Variants in MAP1LC3A observed in about 807,000 individuals in gnomAD.
The protein encoded by MAP1LC3A is microtubule-associated protein 1 light chain 3 alpha.
MAP1LC3A carries 10 observed loss-of-function variants against 15.2 expected under a neutral mutation model. The observed-to-expected ratio is 0.66, with a 90% CI of 0.41 to 1.12. The LOEUF is 1.12. Among genes scored for constraint, MAP1LC3A ranks in the 50% most tolerant of loss-of-function variants. The pLI, the probability that MAP1LC3A is intolerant of heterozygous loss-of-function variation, is 0.00. For synonymous variants in MAP1LC3A, 63 were observed against 64.3 expected, an observed-to-expected ratio of 0.98 and a Z score of 0.10; for missense variants, 138 against 167.3, an observed-to-expected ratio of 0.82 and a Z score of 0.97.
At chr20:34,559,139 C>G (rs1328010291) in intron 1 of MAP1LC3A, 69 bp from the exon 2 acceptor site, 3 of 1,414,320 alleles carry the variant, frequency 2.1e-6, no homozygotes, top group South Asian at 1.6e-5. Flanking sequence ...CGGGGGCCGC[C>G]CCTCCGGGAC....
intron 2 of MAP1LC3A, among the ~76,000 whole-genome samples, chr20:34,552,504 G>A (rs1253083407): frequency 6.6e-6 from 1 of 152,258 alleles, no homozygotes; most frequent in African/African-American, 2.4e-5. Flanking sequence ...CCAGGCAAAG[G>A]CCCTGGGGCA....
chr20:34,555,739 A>G (rs1396751633), upstream of MAP1LC3A, among the ~76,000 whole-genome samples: 1 of 151,016 alleles, frequency 6.6e-6, no homozygotes, highest in Non-Finnish European at 1.5e-5. Context: ...GCAGCCTTGA[A>G]CTCTTGGGCT....
intron 1 of MAP1LC3A, among the ~76,000 whole-genome samples, chr20:34,548,836 G>A (rs1313027714): frequency 6.6e-6 from 1 of 151,688 alleles, no homozygotes; most frequent in African/African-American, 2.4e-5. Context: ...CTCCCGAGTA[G>A]CTGAGACTAC....
chr20:34,551,580 T>C (rs6088524), intron 2 of MAP1LC3A, among the ~76,000 whole-genome samples: 55,548 of 150,466 alleles, frequency 0.37, 10,614 homozygotes, highest in Admixed American at 0.54. Flanking sequence ...CAAGTGATTC[T>C]CCGATTCAGG....
chr20:34,554,829 A>G (rs151260358), upstream of MAP1LC3A, among the ~76,000 whole-genome samples: 42 of 150,962 alleles, frequency 2.8e-4, no homozygotes, highest in East Asian at 7.8e-3. Flanking sequence ...CACCATACCC[A>G]GCTAATTTTT....
rs1005691847 is a variant in MAP1LC3A, at chr20:34,558,812, G to A, written c.-57G>A. The A allele has an allele frequency of 4.9e-6, 7 of 1,415,528 alleles. No homozygotes were observed. Among genetic ancestry groups the A allele is most frequent in the African/African-American group, 1.5e-5 (1 of 66,534 alleles). The allele number at this position is 1,415,528 out of a possible 1,614,324, so 87.7% of individuals were successfully genotyped here. ...GCGGAGCCCCCGGAGCCCCCAAACC[G>A]CAGACACATCCCCGCGCCCCAGAGC... On this transcript the variant is annotated 5_prime_UTR_variant, in exon 1 of 4. Coordinates refer to ENST00000360668, the MANE Select transcript of MAP1LC3A (RefSeq NM_032514.4). The surrounding 1 kb of genome is among the most constrained non-coding windows in gnomAD (Gnocchi z 4.3).
intron 2 of MAP1LC3A, among the ~76,000 whole-genome samples, chr20:34,552,248 T>C (rs1981976694): frequency 6.6e-6 from 1 of 152,220 alleles, no homozygotes; most frequent in African/African-American, 2.4e-5. Flanking sequence ...TCCACCTGCC[T>C]TGGCCTTTGA....
intron 2 of MAP1LC3A, among the ~76,000 whole-genome samples, chr20:34,551,372 C>A (rs1247847374): frequency 2.0e-5 from 3 of 151,802 alleles, no homozygotes; most frequent in African/African-American, 7.3e-5. Context: ...CTAGACCAGG[C>A]CAGAATATGG....
intron 2 of MAP1LC3A, chr20:34,550,125 C>T: frequency 7.9e-7 from 1 of 1,264,604 alleles, no homozygotes; most frequent in Non-Finnish European, 1.1e-6. Flanking sequence ...CAGGGTTGCT[C>T]CGCCCGTGTG....
At chr20:34,548,165 G>C (rs1374718654) in intron 1 of MAP1LC3A, among the ~76,000 whole-genome samples, 4 of 152,240 alleles carry the variant, frequency 2.6e-5, no homozygotes, top group Admixed American at 6.5e-5. Context: ...TAGAGGCACA[G>C]GCTTGGGGAA....
rs113413617 is a variant in MAP1LC3A, at chr20:34,559,911, G to A, written c.*13G>A. On this transcript the variant is annotated 3_prime_UTR_variant, in exon 4 of 4. Coordinates refer to ENST00000360668, the MANE Select transcript of MAP1LC3A (RefSeq NM_032514.4). ...CTTCGGCTTCTGAGCCAGCAGTAGG[G>A]GGGCTCGGCCTGGGAGTCGGGCGGC... is the stretch of plus-strand genomic sequence containing the variant. The A allele has an allele frequency of 6.2e-7, 1 of 1,606,354 alleles. No homozygotes were observed. Among genetic ancestry groups the A allele is most frequent in the Non-Finnish European group, 8.5e-7 (1 of 1,176,648 alleles).
chr20:34,549,415 T>C (rs1981863393), intron 1 of MAP1LC3A, among the ~76,000 whole-genome samples: 1 of 152,194 alleles, frequency 6.6e-6, no homozygotes. Context: ...CCTCCCGATA[T>C]GAGGCCCATT....
At chr20:34,549,551 T>C (rs1044491331) in intron 1 of MAP1LC3A, among the ~76,000 whole-genome samples, 7 of 152,196 alleles carry the variant, frequency 4.6e-5, no homozygotes, top group Non-Finnish European at 1.0e-4. Flanking sequence ...GCTTGATTGA[T>C]GGGGTGGCAC....
At chr20:34,550,037 T>C (rs1170477375) in intron 2 of MAP1LC3A, 7 of 1,613,978 alleles carry the variant, frequency 4.3e-6, no homozygotes, top group Non-Finnish European at 8.5e-7. Flanking sequence ...CAGGTCTGTC[T>C]GGCCCGCCTG....
Position 34,558,802 on chromosome 20 carries a change from C to A in MAP1LC3A, c.-67C>A. On this transcript the variant is annotated 5_prime_UTR_variant, in exon 1 of 4. Coordinates refer to ENST00000360668, the MANE Select transcript of MAP1LC3A (RefSeq NM_032514.4). The surrounding 1 kb of genome is among the most constrained non-coding windows in gnomAD (Gnocchi z 4.3). Reference sequence around the variant, plus strand: ...AGCGCGAGGCGCGGAGCCCCCGGAGCCCCCAAACCGCAGACACATCCCCGC... The same window carrying A: ...AGCGCGAGGCGCGGAGCCCCCGGAGACCCCAAACCGCAGACACATCCCCGC... 1 of 1,376,990 alleles carries A rather than the reference C, an allele frequency of 7.3e-7. No individual in the cohort carries two copies. Among genetic ancestry groups the A allele is most frequent in the South Asian group, 1.7e-5 (1 of 59,460 alleles). The allele number at this position is 1,376,990 out of a possible 1,614,324, so 85.3% of individuals were successfully genotyped here.
At chr20:34,559,051 C>G in intron 1 of MAP1LC3A, 143 bp downstream of exon 1, 2 of 1,329,176 alleles carry the variant, frequency 1.5e-6, no homozygotes, top group Non-Finnish European at 1.9e-6. Flanking sequence ...GGGGGCTGCC[C>G]GCTTCCCCAC....
At chr20:34,557,918 A>T, upstream of MAP1LC3A, among the ~76,000 whole-genome samples, 1 of 149,300 alleles carries the variant, frequency 6.7e-6, no homozygotes, top group African/African-American at 2.5e-5. Flanking sequence ...ACAGAACGAG[A>T]CTTCGTCCCC....
chr20:34,558,050 T>C, upstream of MAP1LC3A: 15 of 985,214 alleles, frequency 1.5e-5, no homozygotes, highest in Non-Finnish European at 1.7e-5. The surrounding 1 kb of genome is among the most constrained non-coding windows in gnomAD (Gnocchi z 4.3). Flanking sequence ...TGTTCGCCTC[T>C]GGAGCTCTGC....
intron 2 of MAP1LC3A, among the ~76,000 whole-genome samples, chr20:34,551,186 A>G (rs917775883): frequency 6.6e-6 from 1 of 151,142 alleles, no homozygotes; most frequent in Non-Finnish European, 1.5e-5. Context: ...CAGAAGGTGG[A>G]GGTTGCAGTG....
Sources: allele counts gnomAD v4.1 joint callset (sites outside exome capture counted in the v4.1 genomes callset), GRCh38; gene constraint gnomAD v4.1.1; non-coding constraint Gnocchi (gnomAD v3.1); transcripts MANE v1.5; gene names NCBI Gene and HGNC (gene_info 2026-07-23, HGNC 2026-07-21).